Variants in DBI observed in about 807,000 individuals in gnomAD.
DBI encodes diazepam binding inhibitor, acyl-CoA binding protein.
A neutral mutation model predicts 13.0 loss-of-function variants in DBI; 12 were observed. The observed-to-expected ratio is 0.92, with a 90% CI of 0.59 to 1.49. The LOEUF (loss-of-function observed/expected upper bound fraction) is 1.49. Among genes scored for constraint, DBI ranks in the 40% most tolerant of loss-of-function variants. DBI has a pLI of 0.00. For synonymous variants in DBI, 37 were observed against 37.4 expected (o/e 0.99, Z 0.04); for missense variants, 95 against 104.8 (o/e 0.91, Z 0.41).
rs1681596201 is a variant in DBI, at chr2:119,372,471, G to T, written c.*153G>T. On this transcript the variant is annotated 3_prime_UTR_variant, in exon 4 of 4. Coordinates refer to ENST00000355857, the MANE Select transcript of DBI (RefSeq NM_001079862.4). ...ACCATACGGCTCTAACAGATTAGGG[G>T]CTAAAACGATTACTGACTTTCCTTG... 1 of 551,374 alleles carries T rather than the reference G, an allele frequency of 1.8e-6. No individual in the cohort carries two copies. The highest frequency in any genetic ancestry group is 3.0e-5 in the East Asian group (1 of 32,876). 34.2% of individuals were successfully genotyped at this position (551,374 alleles called of 1,614,324 possible). A position where few individuals can be genotyped will look rare whatever the true frequency, so the allele number is the denominator to read the frequency against.
chr2:119,367,492 A>G, intron 1 of DBI: 1 of 1,599,354 alleles, frequency 6.3e-7, no homozygotes, highest in Non-Finnish European at 8.6e-7. Context: ...CCGGCTGCTC[A>G]GAGTGCGGGA....
intron 2 of DBI, among the ~76,000 whole-genome samples, chr2:119,369,738 G>T (rs549940090): frequency 5.3e-5 from 8 of 152,022 alleles, no homozygotes; most frequent in Non-Finnish European, 1.2e-4. Context: ...GTGAGCCGAG[G>T]TCGCACCACT....
At chr2:119,369,947 C>G (rs1681392868) in intron 2 of DBI, among the ~76,000 whole-genome samples, 1 of 152,200 alleles carries the variant, frequency 6.6e-6, no homozygotes, top group South Asian at 2.1e-4. Context: ...TCCATTTCCA[C>G]CGCTTGGAGA....
At chr2:119,370,930 T>G (rs892345177) in intron 3 of DBI, 128 bp downstream of exon 3, 2 of 787,846 alleles carry the variant, frequency 2.5e-6, no homozygotes, top group African/African-American at 1.8e-5. Flanking sequence ...GCCTGACCTG[T>G]GCCAGAATGG....
chr2:119,369,179 G>A (rs1681331927), intron 2 of DBI, among the ~76,000 whole-genome samples: 1 of 152,174 alleles, frequency 6.6e-6, no homozygotes, highest in Non-Finnish European at 1.5e-5. Flanking sequence ...TGGCGAAGGT[G>A]AGTTTTACAG....
intron 2 of DBI, among the ~76,000 whole-genome samples, chr2:119,369,424 C>T (rs1271896635): frequency 2.6e-5 from 4 of 152,130 alleles, no homozygotes; most frequent in Admixed American, 6.5e-5. Flanking sequence ...CCCTATTACA[C>T]GATTATAAAA....
Position 119,372,310 on chromosome 2 carries a change from G to A in DBI, c.256G>A (p.Gly86Arg), listed in dbSNP as rs8192507. The stretch of plus-strand genomic sequence containing the variant: ...AGTAGAAGAGCTAAAGAAAAAATAC[G>A]GGATATGAGAGACTGGATTTGGTTA... The part of the protein sequence containing the change: ...NKVEELKKKY[G>R]I Residue 86 changes from glycine to arginine, a missense_variant, in exon 4 of 4, where the codon GGG becomes AGG. By Grantham distance (125) the Gly-to-Arg change is moderately radical. Transcript: ENST00000355857. 1,545 of 1,611,316 alleles carry A rather than the reference G, an allele frequency of 9.6e-4. 13 individuals are homozygous for A. The Admixed American group carries it at 0.014, about 15-fold the overall frequency.
intron 1 of DBI, 67 bp from the exon 2 acceptor site, chr2:119,368,121 A>G: frequency 6.6e-7 from 1 of 1,513,208 alleles, no homozygotes; most frequent in Non-Finnish European, 9.2e-7. Context: ...TCATCAGGCC[A>G]CAGTAGGATT....
chr2:119,367,008 C>G lies in DBI; in HGVS notation c.-44C>G, dbSNP rs200879082. 159 of 1,613,314 alleles carry G rather than the reference C, an allele frequency of 9.9e-5. No homozygotes were observed. In the Admixed American group the frequency reaches 2.6e-3, roughly 27 times the overall value. On this transcript the variant is annotated 5_prime_UTR_variant, in exon 1 of 4. Coordinates refer to ENST00000355857, the MANE Select transcript of DBI (RefSeq NM_001079862.4). ...ATCTGGGCGATCGCTTCCTGGTCCT[C>G]GCCTCCTCCGCTGTCTCCCTGGAGT...
At chr2:119,368,417 G>C (rs1992768) in intron 2 of DBI, 112 bp downstream of exon 2, 2 of 761,076 alleles carry the variant, frequency 2.6e-6, no homozygotes, top group Non-Finnish European at 4.6e-6. Flanking sequence ...CTACTCTTCA[G>C]GTGGGGTATG....
chr2:119,372,390 G>A lies in DBI; in HGVS notation c.*72G>A, dbSNP rs192533113. 6.9e-5 allele frequency: 82 copies of A among 1,195,248 alleles called. No individual in the cohort carries two copies. The highest frequency in any genetic ancestry group is 1.6e-4 in the African/African-American group (11 of 66,790). 74.0% of individuals were successfully genotyped at this position (1,195,248 alleles called of 1,614,324 possible). On this transcript the variant is annotated 3_prime_UTR_variant, in exon 4 of 4. Coordinates refer to ENST00000355857, the MANE Select transcript of DBI (RefSeq NM_001079862.4). Reference sequence around the variant, plus strand: ...CAATGCCTTGTTTTTTTCTAATACCGTGGATGGTGGGAATTCGGGAAAATA... The same window carrying A: ...CAATGCCTTGTTTTTTTCTAATACCATGGATGGTGGGAATTCGGGAAAATA...
intron 3 of DBI, among the ~76,000 whole-genome samples, chr2:119,371,501 G>T (rs1429675900): frequency 6.6e-6 from 1 of 152,144 alleles, no homozygotes; most frequent in Non-Finnish European, 1.5e-5. Context: ...CAAGTAACTG[G>T]GAAGGGAATG....
chr2:119,366,991 G>T lies in DBI; in HGVS notation c.-61G>T. On this transcript the variant is annotated 5_prime_UTR_variant, in exon 1 of 4. Coordinates refer to ENST00000355857, the MANE Select transcript of DBI (RefSeq NM_001079862.4). ...AGGCGCTTGCCAGTGCAATCTGGGC[G>T]ATCGCTTCCTGGTCCTCGCCTCCTC... 6.2e-7 allele frequency: 1 copy of T among 1,610,072 alleles called. No individual in the cohort carries two copies. Among genetic ancestry groups the T allele is most frequent in the Non-Finnish European group, 8.5e-7 (1 of 1,177,000 alleles).
chr2:119,367,987 CCTT>C (rs1430680389), intron 1 of DBI, 198 bp from the exon 2 acceptor site: 11 of 1,612,298 alleles, frequency 6.8e-6, no homozygotes, highest in Non-Finnish European at 9.3e-6. Context: ...AGGGGCTTCC[CCTT>C]CTTGTGTTGC....
intron 2 of DBI, chr2:119,368,754 A>T: frequency 6.0e-6 from 1 of 166,540 alleles, no homozygotes; most frequent in Non-Finnish European, 1.3e-5. Context: ...CATTTCGCTA[A>T]CAAGTCTGTG....
chr2:119,367,209 A>G, intron 1 of DBI, 149 bp downstream of exon 1: 1 of 1,451,622 alleles, frequency 6.9e-7, no homozygotes, highest in Non-Finnish European at 9.1e-7. Context: ...CGTTGGACAG[A>G]GCCTTGTGAG....
intron 2 of DBI, among the ~76,000 whole-genome samples, chr2:119,369,211 T>A (rs1385709771): frequency 6.6e-6 from 1 of 152,176 alleles, no homozygotes; most frequent in Admixed American, 6.5e-5. Context: ...ACTCTGTCCT[T>A]CCAGGGAGGG....
chr2:119,367,482 C>A, intron 1 of DBI: 2 of 1,594,200 alleles, frequency 1.3e-6, no homozygotes, highest in Non-Finnish European at 8.6e-7. Context: ...AAGTACGGGG[C>A]CGGCTGCTCA....
Position 119,367,353 on chromosome 2 carries a change from A to G in DBI, c.9+293A>G, listed in dbSNP as rs771013978. The stretch of plus-strand genomic sequence containing the variant: ...GGGTGCTTGATGGAGAGATGGGGGA[A>G]GGGGTTGCACGGATTGGAGGAGCGA... On this transcript the variant is annotated intron_variant, in intron 1 of 3. Coordinates refer to ENST00000355857, the MANE Select transcript of DBI (RefSeq NM_001079862.4). 1.7e-5 allele frequency: 24 copies of G among 1,442,002 alleles called. No individual in the cohort carries two copies. In the South Asian group the frequency reaches 3.5e-4, roughly 21 times the overall value. The allele number at this position is 1,442,002 out of a possible 1,614,324, so 89.3% of individuals were successfully genotyped here. A position where few individuals can be genotyped will look rare whatever the true frequency, so the allele number is the denominator to read the frequency against.
Sources: allele counts gnomAD v4.1 joint callset (sites outside exome capture counted in the v4.1 genomes callset), GRCh38; gene constraint gnomAD v4.1.1; transcripts MANE v1.5; gene names NCBI Gene and HGNC (gene_info 2026-07-23, HGNC 2026-07-21).